ASAP2: variants seen among roughly 807,000 people sequenced by gnomAD.
ASAP2 encodes arf-GAP with SH3 domain, ANK repeat and PH domain-containing protein 2.
ASAP2 carries 45 observed loss-of-function variants against 131.4 expected under a neutral mutation model. That is an observed-to-expected ratio of 0.34 (90% confidence interval 0.27 to 0.44). The LOEUF is 0.44. Among genes scored for constraint, ASAP2 ranks in the 20% least tolerant of loss-of-function variants. ASAP2 has a pLI of 1.00. For synonymous variants in ASAP2, 510 were observed against 503.0 expected (o/e 1.01, Z -0.19); for missense variants, 1,011 against 1,297.0 (o/e 0.78, Z 3.39).
rs1364308171 is a variant in ASAP2 at position 9,206,875 on chromosome 2, C to G, written c.-230C>G. On this transcript the variant is annotated 5_prime_UTR_variant, in exon 1 of 28. Coordinates refer to ENST00000281419, the MANE Select transcript of ASAP2 (RefSeq NM_003887.3). This position sits in a 1 kb window ranked among gnomAD's most constrained non-coding sequence, Gnocchi z 4.0. ...TCTGAGAGGACGCGGCGGCAGCGGA[C>G]TCGGAGCCCTCGGCGCGCAGGCGGG... 6.0e-6 allele frequency: 1 copy of G among 166,514 alleles called. No individual in the cohort carries two copies. The highest frequency in any genetic ancestry group is 1.2e-5 in the Non-Finnish European group (1 of 84,360). The allele number at this position is 166,514 out of a possible 1,614,324, so 10.3% of individuals were successfully genotyped here.
chr2:9,243,576 C>A (rs1473099207), intron 1 of ASAP2, among the ~76,000 whole-genome samples: 2 of 152,146 alleles, frequency 1.3e-5, no homozygotes, highest in African/African-American at 4.8e-5. Context: ...TAAAATACTT[C>A]CTAGGTCTAG....
intron 3 of ASAP2, among the ~76,000 whole-genome samples, chr2:9,312,995 G>A (rs2148468271): frequency 6.6e-6 from 1 of 152,290 alleles, no homozygotes; most frequent in South Asian, 2.1e-4. Context: ...GGAGGTGGAG[G>A]TTGCAGTGAG....
intron 1 of ASAP2, chr2:9,271,625 A>T (rs1572315843): frequency 9.7e-7 from 1 of 1,030,044 alleles, no homozygotes; most frequent in East Asian, 2.5e-5. Context: ...TGGATAGTGG[A>T]CATACGATCC....
intron 1 of ASAP2, among the ~76,000 whole-genome samples, chr2:9,211,169 A>G (rs920192566): frequency 6.6e-6 from 1 of 151,970 alleles, no homozygotes; most frequent in Non-Finnish European, 1.5e-5. Flanking sequence ...AAAAAAAAAA[A>G]AAGTTTGTTG....
At chr2:9,212,275 A>G (rs1558237371) in intron 1 of ASAP2, among the ~76,000 whole-genome samples, 1 of 152,146 alleles carries the variant, frequency 6.6e-6, no homozygotes, top group Non-Finnish European at 1.5e-5. Context: ...CAGTGCAGTA[A>G]AATCTGAGGA....
chr2:9,276,999 G>C (rs986596579), intron 1 of ASAP2, among the ~76,000 whole-genome samples: 1 of 152,186 alleles, frequency 6.6e-6, no homozygotes, highest in African/African-American at 2.4e-5. Context: ...AAAGAGGAGT[G>C]GCTTTTATTA....
At chr2:9,345,320 T>G (rs1671891859) in intron 11 of ASAP2, among the ~76,000 whole-genome samples, 1 of 152,294 alleles carries the variant, frequency 6.6e-6, no homozygotes, top group South Asian at 2.1e-4. Context: ...TGCCCAACTT[T>G]AAGGCCTCTT....
intron 1 of ASAP2, among the ~76,000 whole-genome samples, chr2:9,218,434 T>C (rs557515667): frequency 6.6e-6 from 1 of 152,276 alleles, no homozygotes; most frequent in East Asian, 1.9e-4. Flanking sequence ...CCCAGACCCA[T>C]AGAGTATTCC....
chr2:9,285,740 A>G (rs934223754), intron 2 of ASAP2, among the ~76,000 whole-genome samples: 3 of 152,250 alleles, frequency 2.0e-5, no homozygotes, highest in South Asian at 4.1e-4. Context: ...GCAACAGAAG[A>G]TTTTCATTTT....
intron 24 of ASAP2, chr2:9,399,753 A>T: frequency 3.9e-6 from 2 of 511,402 alleles, no homozygotes; most frequent in Non-Finnish European, 7.0e-6. Context: ...GCCCAGCATC[A>T]CTCCAGACCC....
intron 4 of ASAP2, among the ~76,000 whole-genome samples, chr2:9,319,320 C>G (rs540744162): frequency 1.2e-4 from 19 of 152,364 alleles, no homozygotes; most frequent in African/African-American, 4.3e-4. Context: ...TTCCTGGGTC[C>G]CATCGGGGAT....
At chr2:9,235,534 G>A (rs894067559) in intron 1 of ASAP2, among the ~76,000 whole-genome samples, 1 of 152,194 alleles carries the variant, frequency 6.6e-6, no homozygotes, top group Admixed American at 6.5e-5. Flanking sequence ...CTCCTTGGTG[G>A]GCTGATTGGA....
chr2:9,325,232 A>G (rs1373871555), intron 6 of ASAP2, among the ~76,000 whole-genome samples: 2 of 152,234 alleles, frequency 1.3e-5, no homozygotes, highest in East Asian at 1.9e-4. Context: ...AGCACATACC[A>G]TGTATAATAC....
At chr2:9,363,028 A>G (rs1245158087) in intron 15 of ASAP2, among the ~76,000 whole-genome samples, 4 of 152,170 alleles carry the variant, frequency 2.6e-5, no homozygotes, top group Non-Finnish European at 1.5e-5. Flanking sequence ...TAGATTTTGC[A>G]TATAAATGAG....
chr2:9,375,988 A>G (rs983337592), intron 17 of ASAP2, among the ~76,000 whole-genome samples: 4 of 152,212 alleles, frequency 2.6e-5, no homozygotes, highest in Non-Finnish European at 5.9e-5. Context: ...GTGGGGTGGC[A>G]TGTGTCCAGA....
chr2:9,221,121 T>C (rs1662384855), intron 1 of ASAP2, among the ~76,000 whole-genome samples: 1 of 152,050 alleles, frequency 6.6e-6, no homozygotes, highest in African/African-American at 2.4e-5. Flanking sequence ...TTTCCCAAGA[T>C]TGTTTTGGCT....
intron 1 of ASAP2, among the ~76,000 whole-genome samples, chr2:9,259,241 C>T (rs1462800259): frequency 6.6e-6 from 1 of 152,248 alleles, no homozygotes; most frequent in African/African-American, 2.4e-5. Context: ...TGAAGCCCTT[C>T]CTTGGGGAGA....
chr2:9,231,496 C>T (rs1027075662), intron 1 of ASAP2, among the ~76,000 whole-genome samples: 4 of 152,208 alleles, frequency 2.6e-5, no homozygotes, highest in East Asian at 3.9e-4. Context: ...AGTGAGCAGT[C>T]GCTGGTCATG....
chr2:9,344,487 T>G (rs559656538), intron 9 of ASAP2, 45 bp from the exon 10 acceptor site: 1 of 1,506,196 alleles, frequency 6.6e-7, no homozygotes, highest in Non-Finnish European at 9.1e-7. Flanking sequence ...TTCTAAAAAT[T>G]AGGACCTGGA....
Sources: allele counts gnomAD v4.1 joint callset (sites outside exome capture counted in the v4.1 genomes callset), GRCh38; gene constraint gnomAD v4.1.1; non-coding constraint Gnocchi (gnomAD v3.1); transcripts MANE v1.5; gene names NCBI Gene and HGNC (gene_info 2026-07-23, HGNC 2026-07-21).